The following MSI2 variants were observed in gnomAD, a reference collection of about 807,000 sequenced individuals.
MSI2 encodes the protein RNA-binding protein Musashi homolog 2.
A neutral mutation model predicts 45.6 loss-of-function variants in MSI2; 17 were observed. The observed-to-expected ratio is 0.37, with a 90% CI of 0.26 to 0.56. The LOEUF (loss-of-function observed/expected upper bound fraction) is 0.56. MSI2 is among the 20% of genes least tolerant of loss of function. The pLI is 0.77. For missense variants in MSI2, 293 were observed against 444.2 expected (o/e 0.66, Z 3.06); for synonymous variants, 156 against 158.2 (o/e 0.99, Z 0.11).
At chr17:57,442,810 C>G (rs1042769150) in intron 6 of MSI2, among the ~76,000 whole-genome samples, 1 of 152,188 alleles carries the variant, frequency 6.6e-6, no homozygotes, top group Non-Finnish European at 1.5e-5. Context: ...CGCTGGGGGC[C>G]TGGGATACCT....
chr17:57,531,434 AC>A (rs2086820116), intron 7 of MSI2, among the ~76,000 whole-genome samples: 1 of 152,230 alleles, frequency 6.6e-6, no homozygotes. Flanking sequence ...AGAGGAGGCA[AC>A]TGAGAGACCC....
chr17:57,576,013 C>A (rs978116097), intron 7 of MSI2, among the ~76,000 whole-genome samples: 1 of 149,972 alleles, frequency 6.7e-6, no homozygotes, highest in African/African-American at 2.5e-5. Flanking sequence ...GCAGCCCTGG[C>A]GTATTTTTCT....
chr17:57,621,386 T>A (rs1189267256), intron 9 of MSI2, among the ~76,000 whole-genome samples: 1 of 152,232 alleles, frequency 6.6e-6, no homozygotes, highest in Non-Finnish European at 1.5e-5. Flanking sequence ...AAATAGCACT[T>A]CTAGGGATTT....
At chr17:57,514,734 C>T (rs2086433851) in intron 6 of MSI2, among the ~76,000 whole-genome samples, 1 of 148,270 alleles carries the variant, frequency 6.7e-6, no homozygotes, top group South Asian at 2.1e-4. Context: ...TTGTGTGGCT[C>T]AGGGATTAAG....
At chr17:57,414,487 T>TGAAGCAACTCTCCTGCCTC (rs2084256778) in intron 6 of MSI2, among the ~76,000 whole-genome samples, 2 of 152,114 alleles carry the variant, frequency 1.3e-5, no homozygotes, top group South Asian at 4.1e-4. Context: ...CCTCCTGGGT[T>TGAAGCAACTCTCCTGCCTC]CAAGCAACTC....
chr17:57,595,728 G>A (rs530443973), intron 7 of MSI2, among the ~76,000 whole-genome samples: 7 of 152,176 alleles, frequency 4.6e-5, no homozygotes, highest in African/African-American at 1.7e-4. Context: ...ATCTGGGTGG[G>A]GGGTCGGGGG....
At chr17:57,524,601 C>T (rs970932874) in intron 6 of MSI2, among the ~76,000 whole-genome samples, 1 of 152,170 alleles carries the variant, frequency 6.6e-6, no homozygotes, top group African/African-American at 2.4e-5. Flanking sequence ...TTATGTCATC[C>T]TAGTAGAATC....
At chr17:57,478,839 G>A (rs1365562227) in intron 6 of MSI2, among the ~76,000 whole-genome samples, 1 of 152,208 alleles carries the variant, frequency 6.6e-6, no homozygotes, top group Non-Finnish European at 1.5e-5. Context: ...TAGGAAACAA[G>A]CAAGACTTAA....
At chr17:57,377,006 C>T (rs111802468) in intron 5 of MSI2, among the ~76,000 whole-genome samples, 3 of 152,024 alleles carry the variant, frequency 2.0e-5, no homozygotes, top group South Asian at 2.1e-4. Context: ...CTGCAAGCTC[C>T]GCCTCCTGGG....
At chr17:57,500,790 CAAAAAAAAA>C (rs58479533) in intron 6 of MSI2, among the ~76,000 whole-genome samples, 2 of 107,138 alleles carry the variant, frequency 1.9e-5, no homozygotes, top group African/African-American at 7.2e-5. Flanking sequence ...CTGTCTCTAC[CAAAAAAAAA>C]AAAAAAAAAA....
chr17:57,552,912 G>C lies in MSI2; in HGVS notation c.454+23188G>C, dbSNP rs576780521. On this transcript the variant is annotated intron_variant, in intron 7 of 13. Coordinates refer to ENST00000284073, the MANE Select transcript of MSI2 (RefSeq NM_138962.4). This position sits in a 1 kb window ranked among gnomAD's most constrained non-coding sequence, Gnocchi z 4.3. ...TGGAAGAACCAAGCTTTTTAGGGCTGATGTGGCGTGGGCTGGGAGACTTCT... is the reference window on the plus strand; with the variant it reads ...TGGAAGAACCAAGCTTTTTAGGGCTCATGTGGCGTGGGCTGGGAGACTTCT... Among the ~76,000 whole-genome samples, 1 of 152,224 alleles carries C rather than the reference G, an allele frequency of 6.6e-6. No homozygotes were observed. The highest frequency in any genetic ancestry group is 2.1e-4 in the South Asian group (1 of 4,832).
chr17:57,259,388 T>G (rs1837696740), intron 4 of MSI2, among the ~76,000 whole-genome samples: 1 of 152,206 alleles, frequency 6.6e-6, no homozygotes, highest in African/African-American at 2.4e-5. Flanking sequence ...CTCAATTTCC[T>G]CTTCTGTAAA....
intron 11 of MSI2, among the ~76,000 whole-genome samples, chr17:57,653,276 T>G (rs12952205): frequency 0.82 from 124,743 of 152,160 alleles, 51,779 homozygotes; most frequent in African/African-American, 0.93. Context: ...CTACAAAGGA[T>G]CCACTCCCCC....
chr17:57,472,705 C>T (rs1462601516), intron 6 of MSI2, among the ~76,000 whole-genome samples: 2 of 152,112 alleles, frequency 1.3e-5, no homozygotes, highest in Admixed American at 6.5e-5. Context: ...CGTTGCTGTG[C>T]GCTGTGTGAA....
intron 6 of MSI2, among the ~76,000 whole-genome samples, chr17:57,491,352 A>G (rs1315570848): frequency 6.6e-6 from 1 of 152,260 alleles, no homozygotes; most frequent in Non-Finnish European, 1.5e-5. Context: ...TAGAATACCC[A>G]GATCCTACAT....
chr17:57,645,885 A>G (rs8078054), intron 10 of MSI2, among the ~76,000 whole-genome samples: 71,196 of 151,958 alleles, frequency 0.47, 17,285 homozygotes, highest in African/African-American at 0.52. Context: ...AGAGCAGGGC[A>G]CTCCCATTTG....
chr17:57,412,428 C>G (rs1488921627), intron 6 of MSI2, among the ~76,000 whole-genome samples: 1 of 152,184 alleles, frequency 6.6e-6, no homozygotes, highest in African/African-American at 2.4e-5. Flanking sequence ...GTGATACTTG[C>G]AGACACTTCA....
At chr17:57,655,693 A>C (rs1429019768) in intron 11 of MSI2, among the ~76,000 whole-genome samples, 1 of 152,094 alleles carries the variant, frequency 6.6e-6, no homozygotes, top group East Asian at 1.9e-4. Flanking sequence ...CTCTTACGCT[A>C]GGATCTGCAC....
At chr17:57,653,356 C>T (rs1473263338) in intron 11 of MSI2, among the ~76,000 whole-genome samples, 1 of 152,140 alleles carries the variant, frequency 6.6e-6, no homozygotes, top group African/African-American at 2.4e-5. Flanking sequence ...GGTCAGTTTG[C>T]CAGAGAGCTA....
Sources: gnomAD v4.1 joint callset for allele counts (sites outside exome capture counted in the v4.1 genomes callset) on GRCh38, gnomAD v4.1.1 for gene constraint, Gnocchi (gnomAD v3.1) non-coding constraint, MANE v1.5 for transcripts, NCBI Gene and HGNC (gene_info 2026-07-23, HGNC 2026-07-21) for gene names.